The following NGLY1 variants were observed in gnomAD, a reference collection of about 807,000 sequenced individuals.
The protein encoded by NGLY1 is N-glycanase 1, also known as peptide-N(4)-(N-acetyl-beta-glucosaminyl)asparagine amidase.
A neutral mutation model predicts 84.6 loss-of-function variants in NGLY1; 68 were observed. That is an observed-to-expected ratio of 0.80 (90% CI 0.66 to 0.98). The LOEUF is 0.98. Among genes scored for constraint, NGLY1 ranks in the 50% least tolerant of loss-of-function variants. The probability of loss-of-function intolerance (pLI) is 0.00; values close to 1 mark genes in which losing one functional copy is unlikely to be tolerated. For missense variants in NGLY1, 779 were observed against 770.2 expected (o/e 1.01, Z -0.14); for synonymous variants, 280 against 275.2 (o/e 1.02, Z -0.17).
chr3:25,741,683 G>T (rs1706155461), intron 4 of NGLY1, among the ~76,000 whole-genome samples: 2 of 152,016 alleles, frequency 1.3e-5, no homozygotes, highest in Non-Finnish European at 2.9e-5. Context: ...TTTGTAACAT[G>T]TCTAACAAAG....
chr3:25,789,803 A>C (rs1174282482), intron 1 of NGLY1: 18 of 1,529,780 alleles, frequency 1.2e-5, no homozygotes, highest in Non-Finnish European at 1.5e-5. Flanking sequence ...ACAAAAGGGA[A>C]TATTTGGGCA....
chr3:25,759,800 T>C lies in NGLY1; in HGVS notation c.492+4266A>G, dbSNP rs551058189. 5.3e-5 allele frequency among the ~76,000 whole-genome samples: 8 copies of C among 152,272 alleles called. No individual in the cohort carries two copies. The East Asian group carries it at 1.5e-3, about 29-fold the overall frequency. Reference sequence around the variant, plus strand: ...TCATACTTCCAATTATTTTGATTTCTGATATGAGATATATTTAAGACTTCA... The same window carrying C: ...TCATACTTCCAATTATTTTGATTTCCGATATGAGATATATTTAAGACTTCA... On this transcript the variant is annotated intron_variant, in intron 3 of 11. Coordinates refer to ENST00000280700, the MANE Select transcript of NGLY1 (RefSeq NM_018297.4).
rs145095923 is a variant in NGLY1, at chr3:25,776,538, G to A, written c.246+2036C>T. 1.3e-4 allele frequency among the ~76,000 whole-genome samples: 20 copies of A among 152,210 alleles called. No individual in the cohort carries two copies. The East Asian group carries it at 3.7e-3, about 28-fold the overall frequency. On this transcript the variant is annotated intron_variant, in intron 2 of 11. Coordinates refer to ENST00000280700, the MANE Select transcript of NGLY1 (RefSeq NM_018297.4). Reference sequence around the variant, plus strand: ...TCCCCTGCCTAATCTCTCCTTTGGGGTTGTAAACTCATATAGCCAACTGCT... The same window carrying A: ...TCCCCTGCCTAATCTCTCCTTTGGGATTGTAAACTCATATAGCCAACTGCT...
intron 8 of NGLY1, among the ~76,000 whole-genome samples, chr3:25,733,482 T>TGA (rs1295096707): frequency 6.8e-6 from 1 of 147,258 alleles, no homozygotes; most frequent in Non-Finnish European, 1.5e-5. Flanking sequence ...TGTGTGTGTG[T>TGA]GTGTGTGTGT....
rs972943251 is a variant in NGLY1 at position 25,719,731 on chromosome 3, T to C, written c.1790-96A>G. 1.6e-5 allele frequency: 15 copies of C among 943,880 alleles called. No individual in the cohort carries two copies. In the South Asian group the frequency reaches 2.8e-4, roughly 17 times the overall value. 58.5% of individuals were successfully genotyped at this position (943,880 alleles called of 1,614,324 possible). On this transcript the variant is annotated intron_variant, in intron 11 of 11. Transcript: ENST00000280700. Reference sequence around the variant, plus strand: ...TATTTTATATAGGCTGATGTATAAGTTAAAATAAACCCTTAAAAATAAATA... The same window carrying C: ...TATTTTATATAGGCTGATGTATAAGCTAAAATAAACCCTTAAAAATAAATA...
intron 2 of NGLY1, 150 bp downstream of exon 2, chr3:25,778,424 A>G: frequency 2.1e-6 from 1 of 465,924 alleles, no homozygotes; most frequent in South Asian, 4.8e-5. Flanking sequence ...TGTGATTTTT[A>G]AATGTCCAAT....
At chr3:25,754,805 T>G in intron 3 of NGLY1, 2 of 423,884 alleles carry the variant, frequency 4.7e-6, no homozygotes, top group Non-Finnish European at 8.5e-6. Context: ...TTTTTTTTTT[T>G]GATACGAGCA....
At chr3:25,752,533 T>A (rs1274983879) in intron 3 of NGLY1, among the ~76,000 whole-genome samples, 2 of 151,842 alleles carry the variant, frequency 1.3e-5, no homozygotes, top group African/African-American at 4.8e-5. Context: ...TATAAAAATT[T>A]AAACATTAAA....
rs144262689 is a variant in NGLY1, at chr3:25,729,275, G to A, written c.1469C>T (p.Ser490Phe). 3.2e-5 allele frequency: 47 copies of A among 1,489,552 alleles called. No individual in the cohort carries two copies. Among genetic ancestry groups the A allele is most frequent in the Middle Eastern group, 3.6e-4 (2 of 5,590 alleles). The allele number at this position is 1,489,552 out of a possible 1,614,324, so 92.3% of individuals were successfully genotyped here. Residue 490 changes from serine to phenylalanine, a missense_variant, in exon 10 of 12, where the codon TCT (serine) becomes TTT (phenylalanine). By Grantham distance (155) the Ser-to-Phe change is radical. Transcript: ENST00000280700. ...LFIPCENEKI[S>F]KQLHLCYNIV... ...ATTGTAACAAAGGTGGAGCTGTTTA[G>A]AAATCTTCTCATTTTCACAGGGAAT...
intron 2 of NGLY1, among the ~76,000 whole-genome samples, chr3:25,771,126 T>C (rs753371639): frequency 6.6e-6 from 1 of 152,204 alleles, no homozygotes; most frequent in Non-Finnish European, 1.5e-5. Context: ...TCTAAGCCAA[T>C]GTCTAGACTA....
chr3:25,783,313 C>G lies in NGLY1; in HGVS notation c.78G>C (p.Glu26Asp), dbSNP rs1708507052. 1.9e-6 allele frequency: 3 copies of G among 1,605,270 alleles called. No individual in the cohort carries two copies. The highest frequency in any genetic ancestry group is 2.5e-6 in the Non-Finnish European group (3 of 1,176,734). The change falls in exon 1 of 12, where the codon GAG (glutamate) becomes GAC (aspartate). Residue 26 changes from glutamate to aspartate, a missense_variant. Coordinates refer to ENST00000280700, the MANE Select transcript of NGLY1 (RefSeq NM_018297.4). The surrounding 1 kb of genome is among the most constrained non-coding windows in gnomAD (Gnocchi z 4.5). ...AVAELCQNTP[E>D]TFLEASKLLL... Reference sequence around the variant, plus strand: ...GCAGCTTGGAGGCCTCCAAAAAGGTCTCCGGGGTGTTCTGGCAGAGCTCAG... The same window carrying G: ...GCAGCTTGGAGGCCTCCAAAAAGGTGTCCGGGGTGTTCTGGCAGAGCTCAG...
intron 2 of NGLY1, among the ~76,000 whole-genome samples, chr3:25,770,729 T>C (rs1316121061): frequency 1.3e-5 from 2 of 152,208 alleles, no homozygotes; most frequent in Non-Finnish European, 2.9e-5. Flanking sequence ...TATTATTTTT[T>C]GATTCTTTAA....
At chr3:25,755,730 C>T in intron 3 of NGLY1, 2 of 1,107,880 alleles carry the variant, frequency 1.8e-6, no homozygotes, top group African/African-American at 1.6e-5. Flanking sequence ...TGGTTTTGAG[C>T]CCAATATACT....
At chr3:25,777,194 G>A (rs1252350014) in intron 2 of NGLY1, among the ~76,000 whole-genome samples, 4 of 152,236 alleles carry the variant, frequency 2.6e-5, no homozygotes, top group South Asian at 2.1e-4. Context: ...TCAAGAGTTC[G>A]AGACCAACCT....
rs997584700 is a variant in NGLY1 at position 25,760,088 on chromosome 3, CTTAT to C, written c.492+3974_492+3977del. On this transcript the variant is annotated intron_variant, in intron 3 of 11. Transcript: ENST00000280700. ...TTAATCAACTTGTGACTTCAATAAA[CTTAT>C]TTAAAGAAAAACTTTTCTATTTATA... is the stretch of plus-strand genomic sequence containing the variant. Among the ~76,000 whole-genome samples the C allele has an allele frequency of 7.9e-5, 12 of 152,016 alleles. No homozygotes were observed. In the East Asian group the frequency reaches 1.4e-3, roughly 17 times the overall value.
chr3:25,736,624 AT>A (rs1705838960), intron 6 of NGLY1: 2 of 386,364 alleles, frequency 5.2e-6, no homozygotes, highest in African/African-American at 4.2e-5. Context: ...TCTTTAGAAA[AT>A]GGAAACACAA....
intron 3 of NGLY1, among the ~76,000 whole-genome samples, chr3:25,760,921 G>C (rs1042793720): frequency 1.9e-5 from 2 of 104,728 alleles, no homozygotes; most frequent in Middle Eastern, 7.4e-3. Flanking sequence ...AAAAAAAAAA[G>C]CTCGCACACA....
chr3:25,723,718 T>C (rs1444447072), intron 10 of NGLY1, among the ~76,000 whole-genome samples: 1 of 152,230 alleles, frequency 6.6e-6, no homozygotes, highest in Non-Finnish European at 1.5e-5. Flanking sequence ...CGTGAGTTAT[T>C]TGATAGACAT....
upstream of NGLY1, among the ~76,000 whole-genome samples, chr3:25,787,514 T>C (rs887953228): frequency 1.3e-5 from 2 of 152,174 alleles, no homozygotes; most frequent in Non-Finnish European, 2.9e-5. Flanking sequence ...GCTCCCTCTA[T>C]CCACATTCTA....
Sources: allele counts gnomAD v4.1 joint callset (sites outside exome capture counted in the v4.1 genomes callset), GRCh38; gene constraint gnomAD v4.1.1; non-coding constraint Gnocchi (gnomAD v3.1); transcripts MANE v1.5; gene names NCBI Gene and HGNC (gene_info 2026-07-23, HGNC 2026-07-21).